The following AFG3L2 variants were observed in gnomAD, a reference collection of about 807,000 sequenced individuals.
The protein encoded by AFG3L2 is AFG3 like matrix AAA peptidase subunit 2.
AFG3L2 carries 54 observed loss-of-function variants against 94.5 expected under a neutral mutation model. The observed-to-expected ratio is 0.57, with a 90% CI of 0.46 to 0.72. The LOEUF is 0.72. Among genes scored for constraint, AFG3L2 ranks in the 30% least tolerant of loss-of-function variants. The probability of loss-of-function intolerance (pLI) is 0.00; values close to 1 mark genes in which losing one functional copy is unlikely to be tolerated. For synonymous variants in AFG3L2, 377 were observed against 365.5 expected (o/e 1.03, Z -0.36); for missense variants, 754 against 994.9 (o/e 0.76, Z 3.26).
intron 6 of AFG3L2, among the ~76,000 whole-genome samples, chr18:12,360,938 A>C (rs1157580394): frequency 6.6e-6 from 1 of 152,228 alleles, no homozygotes; most frequent in Non-Finnish European, 1.5e-5. Flanking sequence ...TATGGAGTTT[A>C]CTAGCTAGAA....
At chr18:12,361,062 A>G (rs1163472422) in intron 6 of AFG3L2, among the ~76,000 whole-genome samples, 1 of 152,208 alleles carries the variant, frequency 6.6e-6, no homozygotes, top group Non-Finnish European at 1.5e-5. Context: ...TTAAATCAAA[A>G]CAGTAAGTCT....
Position 12,356,559 on chromosome 18 carries a change from G to A in AFG3L2, c.1164+135C>T, listed in dbSNP as rs150062846. 1.9e-4 allele frequency: 244 copies of A among 1,275,266 alleles called. 1 individual carries two copies. The East Asian group carries it at 5.5e-3, about 29-fold the overall frequency. 79.0% of individuals were successfully genotyped at this position (1,275,266 alleles called of 1,614,324 possible). On this transcript the variant is annotated intron_variant, in intron 9 of 16. Transcript: ENST00000269143. ...CCTTGCTGAAGTCTTAGGCCTGGAGGAGAGCTCAGGCCAGGGACTGGTGAG... is the reference window on the plus strand; with the variant it reads ...CCTTGCTGAAGTCTTAGGCCTGGAGAAGAGCTCAGGCCAGGGACTGGTGAG...
intron 6 of AFG3L2, among the ~76,000 whole-genome samples, chr18:12,363,151 G>A (rs888221654): frequency 7.9e-5 from 12 of 152,102 alleles, no homozygotes; most frequent in African/African-American, 2.2e-4. Context: ...CTGTCCAGGC[G>A]GGATGGCTAG....
intron 15 of AFG3L2, among the ~76,000 whole-genome samples, chr18:12,338,950 T>C (rs1907842604): frequency 6.6e-6 from 1 of 152,016 alleles, no homozygotes; most frequent in Admixed American, 6.6e-5. Flanking sequence ...CTTTAAATAC[T>C]GTACTAAAAA....
chr18:12,376,286 T>G (rs1475590254), intron 1 of AFG3L2, among the ~76,000 whole-genome samples: 2 of 152,206 alleles, frequency 1.3e-5, no homozygotes, highest in African/African-American at 4.8e-5. Flanking sequence ...GAGCGACTAT[T>G]CGACACGTGA....
rs778448352 is a variant in AFG3L2 at position 12,351,418 on chromosome 18, A to G, written c.1319-5T>C. 19 of 1,613,532 alleles carry G rather than the reference A, an allele frequency of 1.2e-5. No homozygotes were observed. The highest frequency in any genetic ancestry group is 1.4e-5 in the Non-Finnish European group (16 of 1,179,602). ...CATTTGTTGTTGTATTAAAACCTGA[A>G]AGATAACAAAAATGCAAACACTATT... On this transcript the variant is annotated splice_polypyrimidine_tract_variant and splice_region_variant and intron_variant, in intron 10 of 16. Coordinates refer to ENST00000269143, the MANE Select transcript of AFG3L2 (RefSeq NM_006796.3).
chr18:12,350,748 C>A (rs545641425), intron 12 of AFG3L2, among the ~76,000 whole-genome samples: 1 of 152,140 alleles, frequency 6.6e-6, no homozygotes, highest in Non-Finnish European at 1.5e-5. Flanking sequence ...GAGTTTCGGG[C>A]CAGCCTGTGC....
At chr18:12,333,115 T>C (rs1490167879) in intron 16 of AFG3L2, among the ~76,000 whole-genome samples, 2 of 66,938 alleles carry the variant, frequency 3.0e-5, no homozygotes, top group African/African-American at 1.0e-4. Flanking sequence ...ATAACTATTA[T>C]ATAATAGATT....
At position 12,337,543 on chromosome 18, in the gene AFG3L2, A is replaced by G. The variant is rs1269916734; in HGVS notation, c.1981-8T>C. On this transcript the variant is annotated splice_region_variant and splice_polypyrimidine_tract_variant and intron_variant, in intron 15 of 16. Coordinates refer to ENST00000269143, the MANE Select transcript of AFG3L2 (RefSeq NM_006796.3). The stretch of plus-strand genomic sequence containing the variant: ...CATGCCAAACTGAACAATCTGAAAA[A>G]TACATAATTAGTGGTGATTACATAT... 2 of 1,613,798 alleles carry G rather than the reference A, an allele frequency of 1.2e-6. No individual in the cohort carries two copies. The highest frequency in any genetic ancestry group is 1.7e-6 in the Non-Finnish European group (2 of 1,179,672).
chr18:12,334,777 C>A (rs143785645), intron 16 of AFG3L2, among the ~76,000 whole-genome samples: 2 of 152,340 alleles, frequency 1.3e-5, no homozygotes, highest in East Asian at 3.9e-4. Flanking sequence ...GCTGCCACCA[C>A]ACTCTCCTGA....
intron 7 of AFG3L2, among the ~76,000 whole-genome samples, chr18:12,359,365 A>G (rs1908587995): frequency 6.6e-6 from 1 of 152,198 alleles, no homozygotes; most frequent in Non-Finnish European, 1.5e-5. Flanking sequence ...TTGAATGTTA[A>G]TACCCTAAAC....
At chr18:12,337,003 G>A (rs529370538) in intron 16 of AFG3L2, 3 of 514,464 alleles carry the variant, frequency 5.8e-6, no homozygotes, top group African/African-American at 3.8e-5. Flanking sequence ...GAAACACAAT[G>A]GTAAACCAGG....
At chr18:12,362,419 G>T (rs1321839544) in intron 6 of AFG3L2, among the ~76,000 whole-genome samples, 2 of 152,184 alleles carry the variant, frequency 1.3e-5, no homozygotes, top group African/African-American at 4.8e-5. Context: ...CCAACATTCA[G>T]ACACAAACAA....
At chr18:12,375,411 G>GAAAA (rs5823210) in intron 1 of AFG3L2, among the ~76,000 whole-genome samples, 1 of 118,608 alleles carries the variant, frequency 8.4e-6, no homozygotes, top group African/African-American at 3.1e-5. Flanking sequence ...GCCCAGGTAA[G>GAAAA]AAAAAAAAAA....
chr18:12,372,571 C>T (rs531654441), intron 1 of AFG3L2, among the ~76,000 whole-genome samples: 2 of 152,232 alleles, frequency 1.3e-5, no homozygotes, highest in Admixed American at 6.5e-5. Context: ...CACATGTCCA[C>T]GAAAAATATG....
chr18:12,375,595 G>C (rs1352490567), intron 1 of AFG3L2, among the ~76,000 whole-genome samples: 1 of 152,018 alleles, frequency 6.6e-6, no homozygotes. Context: ...GCCCAGGCTA[G>C]AGTGCAGTGG....
At chr18:12,330,257 C>T (rs1207084967) in intron 16 of AFG3L2, among the ~76,000 whole-genome samples, 2 of 151,208 alleles carry the variant, frequency 1.3e-5, no homozygotes, top group African/African-American at 4.9e-5. Flanking sequence ...ACCCGGGAGG[C>T]GGAGGTTGCA....
In AFG3L2 at chr18:12,351,471, G is replaced by A. The variant is rs538784507; in HGVS notation, c.1319-58C>T. 7.3e-5 allele frequency: 104 copies of A among 1,433,480 alleles called. No homozygotes were observed. In the Admixed American group the frequency reaches 1.5e-3, roughly 20 times the overall value. 88.8% of individuals were successfully genotyped at this position (1,433,480 alleles called of 1,614,324 possible). On this transcript the variant is annotated intron_variant, in intron 10 of 16. Coordinates refer to ENST00000269143, the MANE Select transcript of AFG3L2 (RefSeq NM_006796.3). ...ATGACAAGAGGCAGAAAGCAACAGT[G>A]CACCATCAGGAACATATGAGCACTG... is the stretch of plus-strand genomic sequence containing the variant.
rs1246271490 is a variant in AFG3L2 at position 12,333,191 on chromosome 18, TATATATA to T, written c.2176-3415_2176-3409del. 4.3e-3 allele frequency among the ~76,000 whole-genome samples: 504 copies of T among 117,182 alleles called. 8 individuals are homozygous for T. The highest frequency in any genetic ancestry group is 0.016 in the African/African-American group (466 of 28,448). The allele number at this position is 117,182 out of a possible 152,430, so 76.9% of individuals were successfully genotyped here. A position where few individuals can be genotyped will look rare whatever the true frequency, so the allele number is the denominator to read the frequency against. The stretch of plus-strand genomic sequence containing the variant: ...TAATAATAGATAATATAATAAATAA[TATATATA>T]ATAATCTAATATATAATCTATTATA... On this transcript the variant is annotated intron_variant, in intron 16 of 16. Transcript: ENST00000269143.
Sources: allele counts gnomAD v4.1 joint callset (sites outside exome capture counted in the v4.1 genomes callset), GRCh38; gene constraint gnomAD v4.1.1; transcripts MANE v1.5; gene names NCBI Gene and HGNC (gene_info 2026-07-23, HGNC 2026-07-21).